PLB1: variants seen among roughly 807,000 people sequenced by gnomAD.
PLB1 encodes the protein phospholipase B1, membrane-associated.
PLB1 carries 242 observed loss-of-function variants against 227.4 expected under a neutral mutation model. That is an observed-to-expected ratio of 1.06 (90% CI 0.96 to 1.18). PLB1 has a LOEUF of 1.18. Ranked by LOEUF, PLB1 falls within the 50% of genes most tolerant of loss-of-function variation. PLB1 has a pLI of 0.00. For synonymous variants in PLB1, 757 were observed against 682.2 expected (o/e 1.11, Z -1.71); for missense variants, 1,858 against 1,816.3 (o/e 1.02, Z -0.42).
intron 17 of PLB1, among the ~76,000 whole-genome samples, chr2:28,554,581 A>G (rs2148226922): frequency 6.9e-6 from 1 of 145,108 alleles, no homozygotes; most frequent in African/African-American, 2.6e-5. Context: ...GCGATCCTCC[A>G]GCGCTGGGAT....
intron 1 of PLB1, among the ~76,000 whole-genome samples, chr2:28,508,025 G>A (rs1309339818): frequency 6.6e-6 from 1 of 152,150 alleles, no homozygotes; most frequent in African/African-American, 2.4e-5. Context: ...ATGGTAATAA[G>A]GACAGCTGGA....
chr2:28,534,510 C>T (rs1671417359), intron 9 of PLB1, among the ~76,000 whole-genome samples: 1 of 152,166 alleles, frequency 6.6e-6, no homozygotes, highest in Non-Finnish European at 1.5e-5. Context: ...TATATGGATA[C>T]TTGTACTGGA....
At chr2:28,635,851 A>G (rs577813946) in intron 56 of PLB1, among the ~76,000 whole-genome samples, 1 of 152,238 alleles carries the variant, frequency 6.6e-6, no homozygotes, top group African/African-American at 2.4e-5. Flanking sequence ...TCCTGCTCTC[A>G]GCCAGTGTTT....
intron 1 of PLB1, among the ~76,000 whole-genome samples, chr2:28,511,952 CTTT>C (rs35941185): frequency 2.3e-5 from 3 of 131,400 alleles, no homozygotes; most frequent in Non-Finnish European, 3.3e-5. Flanking sequence ...GCCTGGCTAA[CTTT>C]TTTTTTTTTT....
At chr2:28,630,275 G>C (rs1688417137) in intron 53 of PLB1, among the ~76,000 whole-genome samples, 2 of 152,198 alleles carry the variant, frequency 1.3e-5, no homozygotes, top group Admixed American at 1.3e-4. Flanking sequence ...GGGACCACAG[G>C]CTTGGGAAGG....
chr2:28,604,134 G>C (rs1407342810), intron 40 of PLB1, 87 bp downstream of exon 40: 1 of 1,302,688 alleles, frequency 7.7e-7, no homozygotes, highest in Non-Finnish European at 1.1e-6. Flanking sequence ...AGGCACACAG[G>C]GAAGGAAAAG....
chr2:28,549,555 A>G (rs1673887259), intron 15 of PLB1, among the ~76,000 whole-genome samples: 1 of 151,474 alleles, frequency 6.6e-6, no homozygotes, highest in Non-Finnish European at 1.5e-5. Flanking sequence ...GGCTGGGACT[A>G]CAGGCACGTG....
intron 34 of PLB1, among the ~76,000 whole-genome samples, 166 bp downstream of exon 34, chr2:28,598,214 A>G (rs2148294879): frequency 6.6e-6 from 1 of 152,306 alleles, no homozygotes; most frequent in South Asian, 2.1e-4. Flanking sequence ...AGGTAAAATA[A>G]ACACCAGATT....
chr2:28,636,035 G>GTATGAA (rs879585499), intron 56 of PLB1, among the ~76,000 whole-genome samples: 22 of 151,408 alleles, frequency 1.5e-4, no homozygotes, highest in South Asian at 4.1e-4. Context: ...GTGTATGTGT[G>GTATGAA]TGTGTGTATG....
chr2:28,581,987 G>T, intron 23 of PLB1, 81 bp from the exon 24 acceptor site: 1 of 1,346,208 alleles, frequency 7.4e-7, no homozygotes, highest in Admixed American at 2.0e-5. Context: ...AAAAGAAGGG[G>T]ACCCAAGAGA....
At chr2:28,543,622 C>T (rs1037629829) in intron 14 of PLB1, among the ~76,000 whole-genome samples, 1 of 152,216 alleles carries the variant, frequency 6.6e-6, no homozygotes, top group Non-Finnish European at 1.5e-5. Context: ...CCTGCCCTCA[C>T]ACTTAGGCGG....
At chr2:28,524,916 T>C (rs1398020961) in intron 4 of PLB1, among the ~76,000 whole-genome samples, 1 of 150,834 alleles carries the variant, frequency 6.6e-6, no homozygotes, top group Non-Finnish European at 1.5e-5. Flanking sequence ...GGCACCATCT[T>C]GGCTTGCTGC....
chr2:28,590,073 C>T lies in PLB1; in HGVS notation c.2085C>T (p.Asn695=), dbSNP rs765696777. 6.2e-7 allele frequency: 1 copy of T among 1,611,120 alleles called. No homozygotes were observed. Among genetic ancestry groups the T allele is most frequent in the South Asian group, 1.1e-5 (1 of 91,022 alleles). ...FENKINITCP[N]QVQPFLRTYK... ...ACAAGATCAATATCACATGTCCGAA[C>T]CAGGTAGAGTGGAAAGCACGTCCTT... is the stretch of plus-strand genomic sequence containing the variant. The change falls in exon 29 of 58, where the codon AAC becomes AAT. Residue 695 remains asparagine (N), a synonymous_variant. Transcript: ENST00000327757.
chr2:28,638,198 A>G (rs1403252188), intron 56 of PLB1, among the ~76,000 whole-genome samples: 2 of 151,930 alleles, frequency 1.3e-5, no homozygotes, highest in African/African-American at 4.8e-5. Context: ...GGTTTAAGAA[A>G]AAGTCAAGCA....
intron 8 of PLB1, among the ~76,000 whole-genome samples, chr2:28,531,241 A>G (rs559741096): frequency 6.6e-6 from 1 of 152,230 alleles, no homozygotes; most frequent in Non-Finnish European, 1.5e-5. Context: ...TTCCTAGCAT[A>G]TATATCTTTA....
At chr2:28,548,989 G>A (rs920221512) in intron 15 of PLB1, 58 bp downstream of exon 15, 196 of 1,504,144 alleles carry the variant, frequency 1.3e-4, no homozygotes, top group Non-Finnish European at 1.7e-4. Context: ...AGGTGGGGTG[G>A]CCAAGTGGGC....
At chr2:28,511,113 G>A (rs1668208738) in intron 1 of PLB1, among the ~76,000 whole-genome samples, 1 of 152,120 alleles carries the variant, frequency 6.6e-6, no homozygotes, top group African/African-American at 2.4e-5. Flanking sequence ...CACTTGATAA[G>A]GGGAAAATCT....
intron 6 of PLB1, among the ~76,000 whole-genome samples, chr2:28,527,154 A>C (rs1390212069): frequency 6.6e-6 from 1 of 152,198 alleles, no homozygotes; most frequent in Admixed American, 6.5e-5. Context: ...CCACAAATGC[A>C]GATGCCTCTT....
intron 7 of PLB1, 32 bp from the exon 8 acceptor site, chr2:28,529,682 AAATAATATTTAGCC>A (rs1347395436): frequency 1.3e-6 from 2 of 1,590,666 alleles, no homozygotes; most frequent in Non-Finnish European, 1.7e-6. Flanking sequence ...GCCCTTAACA[AAATAATATTTAGCC>A]AATTTTTCTC....
Sources: allele counts gnomAD v4.1 joint callset (sites outside exome capture counted in the v4.1 genomes callset), GRCh38; gene constraint gnomAD v4.1.1; transcripts MANE v1.5; gene names NCBI Gene and HGNC (gene_info 2026-07-23, HGNC 2026-07-21).